The following AHNAK variants were observed in gnomAD, a reference collection of about 807,000 sequenced individuals.
AHNAK encodes neuroblast differentiation-associated protein AHNAK.
In AHNAK, 23 loss-of-function variants were observed where a neutral mutation model predicts 37.8. That is an observed-to-expected ratio of 0.61 (90% CI 0.44 to 0.86). The LOEUF is 0.86. AHNAK is among the 40% of genes least tolerant of loss of function. The probability of loss-of-function intolerance (pLI) is 0.00; values close to 1 mark genes in which losing one functional copy is unlikely to be tolerated. For missense variants in AHNAK, 7,411 were observed against 7,319.4 expected (o/e 1.01, Z -0.46); for synonymous variants, 2,481 against 2,636.3 (o/e 0.94, Z 1.80).
chr11:62,525,890 T>G lies in AHNAK; in HGVS notation c.8527A>C (p.Asn2843His). The change falls in exon 5 of 5, where the codon AAT becomes CAT. Residue 2843 changes from asparagine to histidine, a missense_variant. Coordinates refer to ENST00000378024, the MANE Select transcript of AHNAK (RefSeq NM_001620.3). ...PKISMPDIDL[N>H]LTGPKIKGDV... Reference sequence around the variant, plus strand: ...CCTTTTATTTTTGGACCTGTGAGATTCAGGTCAATATCTGGCATGGATATC... The same window carrying G: ...CCTTTTATTTTTGGACCTGTGAGATGCAGGTCAATATCTGGCATGGATATC... The G allele has an allele frequency of 6.2e-7, 1 of 1,614,206 alleles. No homozygotes were observed. The highest frequency in any genetic ancestry group is 8.5e-7 in the Non-Finnish European group (1 of 1,180,036).
intron 5 of AHNAK, among the ~76,000 whole-genome samples, chr11:62,464,651 G>C (rs1938866188): frequency 6.8e-6 from 1 of 146,936 alleles, no homozygotes; most frequent in Non-Finnish European, 1.5e-5. Context: ...CTGGGCAACA[G>C]ACCAAGATTC....
chr11:62,525,572 G>A lies in AHNAK; in HGVS notation c.8845C>T (p.Pro2949Ser), dbSNP rs768976359. 14 of 1,613,706 alleles carry A rather than the reference G, an allele frequency of 8.7e-6. No homozygotes were observed. Among genetic ancestry groups the A allele is most frequent in the African/African-American group, 4.0e-5 (3 of 74,786 alleles). The change falls in exon 5 of 5, where the codon CCC becomes TCC. Residue 2949 changes from proline to serine, a missense_variant. Coordinates refer to ENST00000378024, the MANE Select transcript of AHNAK (RefSeq NM_001620.3). ...TTCATCTCTGGCATCTTGAACTTGG[G>A]CCCTTTCAACTTTCCCTCTGGTCCT... ...IEGPEGKLKG[P>S]KFKMPEMNIK... is the part of the protein sequence containing the mutation.
At chr11:62,436,634 T>TA (rs34838843) in intron 5 of AHNAK, among the ~76,000 whole-genome samples, 2,291 of 142,680 alleles carry the variant, frequency 0.016, 47 homozygotes, top group African/African-American at 0.047. Flanking sequence ...TTCTTTTCAT[T>TA]AAAAAAAAAA....
At chr11:62,484,703 G>T (rs1939353196) in intron 5 of AHNAK, among the ~76,000 whole-genome samples, 1 of 152,210 alleles carries the variant, frequency 6.6e-6, no homozygotes, top group Admixed American at 6.5e-5. Flanking sequence ...ACTTAAGCAT[G>T]CTTCCGAGTG....
chr11:62,461,115 G>A (rs948692050), intron 5 of AHNAK, among the ~76,000 whole-genome samples: 2 of 147,722 alleles, frequency 1.4e-5, no homozygotes, highest in Non-Finnish European at 3.0e-5. Context: ...GATTACAGGC[G>A]TGGGCCACCA....
At chr11:62,444,776 G>T (rs1397233359) in intron 5 of AHNAK, among the ~76,000 whole-genome samples, 1 of 152,250 alleles carries the variant, frequency 6.6e-6, no homozygotes, top group Non-Finnish European at 1.5e-5. Context: ...CAAGGGCAGT[G>T]ACCCTGTGCC....
chr11:62,446,185 A>G (rs1325290738), intron 5 of AHNAK, among the ~76,000 whole-genome samples: 1 of 152,030 alleles, frequency 6.6e-6, no homozygotes, highest in Non-Finnish European at 1.5e-5. Flanking sequence ...AGAGCTGCCA[A>G]CCCACCCCTC....
chr11:62,523,839 C>T lies in AHNAK; in HGVS notation c.10578G>A (p.Leu3526=). 1 of 1,614,104 alleles carries T rather than the reference C, an allele frequency of 6.2e-7. No homozygotes were observed. Among genetic ancestry groups the T allele is most frequent in the Non-Finnish European group, 8.5e-7 (1 of 1,180,014 alleles). ...DLNVEGPEGG[L]KGPKFKMPDM... is the part of the protein sequence containing the mutation. ...CAGGCATCTTGAATTTGGGACCTTT[C>T]AAGCCTCCCTCCGGACCTTCCACAT... The change falls in exon 5 of 5, where the codon TTG becomes TTA. Residue 3526 remains leucine (L), a synonymous_variant. Coordinates refer to ENST00000378024, the MANE Select transcript of AHNAK (RefSeq NM_001620.3).
rs1172126377 is a variant in AHNAK at position 62,480,803 on chromosome 11, T to TAAAAAAAAAA, written c.442+10919_442+10928dup. ...CTATGCAAGGAATTCTGCGTGCAGT[T>TAAAAAAAAAA]AAAAAAAAAAAAAAAAAAAAAAAAC... On this transcript the variant is annotated intron_variant, in intron 5 of 5. Transcript: ENST00000257247. Among the ~76,000 whole-genome samples the TAAAAAAAAAA allele has an allele frequency of 1.7e-3, 76 of 44,490 alleles. 2 individuals carry two copies. The highest frequency in any genetic ancestry group is 3.9e-3 in the African/African-American group (73 of 18,610). 29.2% of individuals were successfully genotyped at this position (44,490 alleles called of 152,430 possible).
intron 5 of AHNAK, among the ~76,000 whole-genome samples, chr11:62,476,960 G>C (rs574216831): frequency 1.3e-4 from 20 of 152,270 alleles, no homozygotes; most frequent in African/African-American, 4.8e-4. Context: ...AGCCGGCATT[G>C]GTTGCAGAAA....
At position 62,538,123 on chromosome 11, in the gene AHNAK, C is replaced by G. The variant is rs567602988; in HGVS notation, c.-99-1556G>C. ...CAGAGACTTGGGCCACCCAGTCTCACCCAGTACCCAGGACCAGGGGGGTGC... is the reference window on the plus strand; with the variant it reads ...CAGAGACTTGGGCCACCCAGTCTCAGCCAGTACCCAGGACCAGGGGGGTGC... On this transcript the variant is annotated intron_variant, in intron 1 of 4. Transcript: ENST00000378024. Among the ~76,000 whole-genome samples the G allele has an allele frequency of 1.7e-4, 26 of 152,246 alleles. 2 individuals carry two copies. The South Asian group carries it at 3.5e-3, about 21-fold the overall frequency.
downstream of AHNAK, among the ~76,000 whole-genome samples, chr11:62,514,405 C>T (rs541380664): frequency 2.6e-5 from 4 of 152,302 alleles, no homozygotes; most frequent in East Asian, 1.9e-4. Context: ...TTAGGACAGA[C>T]GGTGATGTGT....
At chr11:62,445,812 T>C (rs1395642318) in intron 5 of AHNAK, among the ~76,000 whole-genome samples, 1 of 151,690 alleles carries the variant, frequency 6.6e-6, no homozygotes, top group Non-Finnish European at 1.5e-5. Flanking sequence ...AGGTTAGGAG[T>C]TCCCGACCAA....
rs142247372 is a variant in AHNAK at position 62,535,103 on chromosome 11, G to A, written c.242C>T (p.Thr81Met). ...TQLLNTMGHH[T>M]VGLKLHRKGD... is the part of the protein sequence containing the mutation. Reference sequence around the variant, plus strand: ...CTTGCGGTGCAGCTTCAGGCCCACCGTGTGGTGCCCCATGGTGTTCAGCAG... The same window carrying A: ...CTTGCGGTGCAGCTTCAGGCCCACCATGTGGTGCCCCATGGTGTTCAGCAG... The change falls in exon 4 of 5, where the codon ACG becomes ATG. Residue 81 changes from threonine to methionine, a missense_variant. Coordinates refer to ENST00000378024, the MANE Select transcript of AHNAK (RefSeq NM_001620.3). The A allele has an allele frequency of 2.2e-5, 36 of 1,614,064 alleles. No individual in the cohort carries two copies. In the African/African-American group the frequency reaches 2.8e-4, roughly 13 times the overall value.
At chr11:62,463,772 G>T (rs1938843075) in intron 5 of AHNAK, among the ~76,000 whole-genome samples, 1 of 151,456 alleles carries the variant, frequency 6.6e-6, no homozygotes. Flanking sequence ...TTTTGTTTTT[G>T]TTTTTTTGGG....
chr11:62,531,945 G>A lies in AHNAK; in HGVS notation c.2472C>T (p.Asp824=). 2 of 1,614,048 alleles carry A rather than the reference G, an allele frequency of 1.2e-6. No individual in the cohort carries two copies. Among genetic ancestry groups the A allele is most frequent in the South Asian group, 2.2e-5 (2 of 91,062 alleles). The change falls in exon 5 of 5, where the codon GAC becomes GAT. Residue 824 remains aspartate, a synonymous_variant. Coordinates refer to ENST00000378024, the MANE Select transcript of AHNAK (RefSeq NM_001620.3). The part of the protein sequence containing the change: ...KVPKISMPDV[D]LHLKGPNVKG... ...TTACGTTAGGGCCTTTCAGATGTAA[G>A]TCCACATCAGGCATGGAGATCTTGG...
Position 62,531,104 on chromosome 11 carries a change from C to T in AHNAK, c.3313G>A (p.Gly1105Ser), listed in dbSNP as rs750604091. 1.9e-6 allele frequency: 3 copies of T among 1,614,098 alleles called. No individual in the cohort carries two copies. Among genetic ancestry groups the T allele is most frequent in the South Asian group, 1.1e-5 (1 of 91,084 alleles). ...GGTGCTTTAATATCTACCTTGGGACCTCTGATGTCCACATCTGGAACCTGC... is the reference window on the plus strand; with the variant it reads ...GGTGCTTTAATATCTACCTTGGGACTTCTGATGTCCACATCTGGAACCTGC... ...EMQVPDVDIRGPKVDIKAPDV... is the reference protein window; with the variant it reads ...EMQVPDVDIRSPKVDIKAPDV... Residue 1105 changes from glycine (G) to serine (S), a missense_variant, in exon 5 of 5, where the codon GGT (glycine) becomes AGT (serine). Coordinates refer to ENST00000378024, the MANE Select transcript of AHNAK (RefSeq NM_001620.3).
Position 62,525,000 on chromosome 11 carries a change from C to T in AHNAK, c.9417G>A (p.Val3139=). 6.2e-7 allele frequency: 1 copy of T among 1,613,178 alleles called. No homozygotes were observed. The highest frequency in any genetic ancestry group is 8.5e-7 in the Non-Finnish European group (1 of 1,179,794). ...GGTGCCAGTCTGGGCCTTGAACATC[C>T]ACATCTGGGGCATTAATATCCACTT... ...GPKVDINAPD[V]DVQGPDWHLK... Residue 3139 remains valine (V), a synonymous_variant, in exon 5 of 5, where the codon GTG becomes GTA. Coordinates refer to ENST00000378024, the MANE Select transcript of AHNAK (RefSeq NM_001620.3).
chr11:62,518,311 C>T lies in AHNAK; in HGVS notation c.16106G>A (p.Ser5369Asn). 2 of 1,614,158 alleles carry T rather than the reference C, an allele frequency of 1.2e-6. No homozygotes were observed. The highest frequency in any genetic ancestry group is 1.7e-6 in the Non-Finnish European group (2 of 1,180,016). ...AGAGACAGCCAGATCTCCCTGCAGG[C>T]TTGGTCCCCTCAGTGTCACATCTGG... ...GAPDVTLRGP[S>N]LQGDLAVSGD... The change falls in exon 5 of 5, where the codon AGC becomes AAC. Residue 5369 changes from serine (S) to asparagine (N), a missense_variant. Physicochemically the swap from Ser to Asn is conservative, Grantham distance 46 (BLOSUM62 1). Transcript: ENST00000378024.
Sources: allele counts gnomAD v4.1 joint callset (sites outside exome capture counted in the v4.1 genomes callset), GRCh38; gene constraint gnomAD v4.1.1; transcripts MANE v1.5; gene names NCBI Gene and HGNC (gene_info 2026-07-23, HGNC 2026-07-21).